The following ZBTB20 variants were observed in gnomAD, a reference collection of about 807,000 sequenced individuals.
The protein encoded by ZBTB20 is zinc finger and BTB domain containing 20, also known as zinc finger and BTB domain-containing protein 20.
ZBTB20 carries 9 observed loss-of-function variants against 56.9 expected under a neutral mutation model. That is an observed-to-expected ratio of 0.16 (90% CI 0.10 to 0.28). ZBTB20 has a LOEUF of 0.28. Among genes scored for constraint, ZBTB20 ranks in the 10% least tolerant of loss-of-function variants. The pLI is 1.00. For synonymous variants in ZBTB20, 417 were observed against 420.7 expected (o/e 0.99, Z 0.11); for missense variants, 655 against 1,003.0 (o/e 0.65, Z 4.69).
chr3:114,778,187 T>C (rs1578826053), intron 5 of ZBTB20, among the ~76,000 whole-genome samples: 2 of 149,764 alleles, frequency 1.3e-5, no homozygotes, highest in South Asian at 2.1e-4. Context: ...ATGGCACATG[T>C]GTACATATGT....
chr3:114,801,166 TCAGG>T lies in ZBTB20; in HGVS notation c.-412_-409del, dbSNP rs2071677562. On this transcript the variant is annotated 5_prime_UTR_variant, in exon 5 of 12. The change creates a premature stop within an existing upstream ORF in the 5' untranslated region. Coordinates refer to ENST00000675478, the MANE Select transcript of ZBTB20 (RefSeq NM_001348800.3). ...GTGATTTCAGTCTCTAAATGTAACT[TCAGG>T]CAGTCTGAAAAGAAACAGGTTAAAA... The T allele has an allele frequency of 6.6e-6, 1 of 152,248 alleles. No individual in the cohort carries two copies. Among genetic ancestry groups the T allele is most frequent in the East Asian group, 1.9e-4 (1 of 5,192 alleles). 9.4% of individuals were successfully genotyped at this position (152,248 alleles called of 1,614,324 possible). A position where few individuals can be genotyped will look rare whatever the true frequency, so the allele number is the denominator to read the frequency against.
At chr3:114,785,474 C>G (rs1386658737) in intron 5 of ZBTB20, among the ~76,000 whole-genome samples, 1 of 152,044 alleles carries the variant, frequency 6.6e-6, no homozygotes, top group Non-Finnish European at 1.5e-5. Flanking sequence ...TGAATGTTAT[C>G]AGTGGTTATC....
chr3:114,816,373 T>TA (rs773914871), intron 4 of ZBTB20, among the ~76,000 whole-genome samples: 6 of 152,132 alleles, frequency 3.9e-5, no homozygotes, highest in Non-Finnish European at 7.4e-5. Flanking sequence ...AAATGGTGGC[T>TA]AAAAAATGCC....
At chr3:115,104,475 T>C (rs1456858981) in intron 1 of ZBTB20, among the ~76,000 whole-genome samples, 2 of 152,216 alleles carry the variant, frequency 1.3e-5, no homozygotes, top group Non-Finnish European at 2.9e-5. Flanking sequence ...GGATAAATTA[T>C]GGTACATCCA....
chr3:114,477,835 CTTTCTTTTCTTT>C (rs1340803852), intron 7 of ZBTB20, among the ~76,000 whole-genome samples: 1 of 151,712 alleles, frequency 6.6e-6, no homozygotes, highest in East Asian at 2.0e-4. Context: ...GTCTTTCTTT[CTTTCTTTTCTTT>C]TTTCTTTTCT....
chr3:114,486,704 C>T (rs1399708287), intron 7 of ZBTB20, among the ~76,000 whole-genome samples: 1 of 152,188 alleles, frequency 6.6e-6, no homozygotes, highest in Non-Finnish European at 1.5e-5. Context: ...TCATGAGACA[C>T]ACGGTTCTCT....
chr3:114,540,872 T>A (rs1173869429), intron 6 of ZBTB20, among the ~76,000 whole-genome samples: 1 of 152,096 alleles, frequency 6.6e-6, no homozygotes, highest in African/African-American at 2.4e-5. Context: ...TGTCAATTCC[T>A]TTTATCCTTG....
intron 2 of ZBTB20, among the ~76,000 whole-genome samples, chr3:115,030,258 A>G (rs1464317596): frequency 2.0e-5 from 3 of 150,932 alleles, no homozygotes; most frequent in Admixed American, 6.6e-5. Flanking sequence ...TACATCTCCT[A>G]TTCATCTTTC....
intron 6 of ZBTB20, among the ~76,000 whole-genome samples, chr3:114,685,411 G>C (rs2062269544): frequency 6.6e-6 from 1 of 152,268 alleles, no homozygotes; most frequent in East Asian, 1.9e-4. Context: ...CAATCACAAA[G>C]AACTCAGGAC....
At chr3:114,777,350 C>A (rs905593275) in intron 5 of ZBTB20, among the ~76,000 whole-genome samples, 3 of 151,876 alleles carry the variant, frequency 2.0e-5, no homozygotes, top group Non-Finnish European at 4.4e-5. Context: ...ACTAAAAATA[C>A]AAAATTAGCC....
intron 4 of ZBTB20, among the ~76,000 whole-genome samples, chr3:114,852,145 TTTC>T (rs1012193218): frequency 4.1e-4 from 63 of 152,174 alleles, no homozygotes; most frequent in African/African-American, 1.5e-3. Context: ...AGAGTTTTAT[TTTC>T]TTCTTCTACT....
At chr3:114,562,565 T>G (rs2052212224) in intron 6 of ZBTB20, among the ~76,000 whole-genome samples, 1 of 152,226 alleles carries the variant, frequency 6.6e-6, no homozygotes. Flanking sequence ...TTAATTTCCT[T>G]AAAGAACATT....
intron 6 of ZBTB20, among the ~76,000 whole-genome samples, chr3:114,526,226 C>T (rs2047205448): frequency 6.6e-6 from 1 of 152,098 alleles, no homozygotes; most frequent in Non-Finnish European, 1.5e-5. Context: ...AACTACCTTG[C>T]ATATTTAGAA....
chr3:114,677,023 G>A (rs1009086391), intron 6 of ZBTB20, among the ~76,000 whole-genome samples: 5 of 151,858 alleles, frequency 3.3e-5, no homozygotes, highest in Non-Finnish European at 7.4e-5. Flanking sequence ...TGCCTGCCTC[G>A]GCCTCCCAAA....
chr3:114,527,920 G>C (rs746961691), intron 6 of ZBTB20, among the ~76,000 whole-genome samples: 10 of 151,376 alleles, frequency 6.6e-5, no homozygotes, highest in Non-Finnish European at 1.2e-4. Context: ...CTAGATGTGG[G>C]TCTTATGAGA....
intron 4 of ZBTB20, among the ~76,000 whole-genome samples, chr3:114,855,010 T>A (rs772894065): frequency 3.3e-5 from 5 of 152,236 alleles, no homozygotes; most frequent in Non-Finnish European, 5.9e-5. Flanking sequence ...GTAAAATAAT[T>A]TATCCTAATC....
chr3:114,355,437 TG>T (rs2081147495), intron 10 of ZBTB20, among the ~76,000 whole-genome samples: 1 of 152,154 alleles, frequency 6.6e-6, no homozygotes. Context: ...TGAACAGCCA[TG>T]AAAAGCTGAA....
intron 6 of ZBTB20, among the ~76,000 whole-genome samples, chr3:114,650,197 GA>G (rs992167464): frequency 2.0e-5 from 3 of 148,618 alleles, no homozygotes; most frequent in Non-Finnish European, 3.0e-5. Context: ...TATTCACAAA[GA>G]AAACTTCCAC....
In ZBTB20 at chr3:115,113,790, A is replaced by G. The variant is rs540117105; in HGVS notation, c.-703+33429T>C. On this transcript the variant is annotated intron_variant, in intron 1 of 11. Coordinates refer to ENST00000675478, the MANE Select transcript of ZBTB20 (RefSeq NM_001348800.3). ...AAGCAGCAGCAGCAGCGGCAGCATAATACTTATAGGCTCTGGATAACAAAA... is the reference window on the plus strand; with the variant it reads ...AAGCAGCAGCAGCAGCGGCAGCATAGTACTTATAGGCTCTGGATAACAAAA... Among the ~76,000 whole-genome samples, 19 of 152,260 alleles carry G rather than the reference A, an allele frequency of 1.2e-4. No homozygotes were observed. In the South Asian group the frequency reaches 3.1e-3, roughly 25 times the overall value.
Sources: allele counts gnomAD v4.1 joint callset (sites outside exome capture counted in the v4.1 genomes callset), GRCh38; gene constraint gnomAD v4.1.1; transcripts MANE v1.5; gene names NCBI Gene and HGNC (gene_info 2026-07-23, HGNC 2026-07-21).